MCM9: variants seen among roughly 807,000 people sequenced by gnomAD.
The protein encoded by MCM9 is DNA helicase MCM9.
In MCM9, 55 loss-of-function variants were observed where a neutral mutation model predicts 72.8. That is an observed-to-expected ratio of 0.76 (90% CI 0.61 to 0.95). The LOEUF is 0.95. Ranked by LOEUF, MCM9 falls within the 40% of genes least tolerant of loss-of-function variation. The pLI is 0.00. For missense variants in MCM9, 1,279 were observed against 1,377.0 expected, an observed-to-expected ratio of 0.93 and a Z score of 1.13; for synonymous variants, 480 against 503.4, an observed-to-expected ratio of 0.95 and a Z score of 0.62.
intron 9 of MCM9, among the ~76,000 whole-genome samples, chr6:118,830,926 G>A (rs1774500784): frequency 6.6e-6 from 1 of 152,226 alleles, no homozygotes. Context: ...TGCAAGGAGT[G>A]CTGGTGTCAG....
At chr6:118,825,066 C>T (rs1226934375) in intron 13 of MCM9, among the ~76,000 whole-genome samples, 4 of 152,176 alleles carry the variant, frequency 2.6e-5, no homozygotes, top group African/African-American at 7.2e-5. Context: ...CACTTTTTCT[C>T]CTTTCCCGAA....
chr6:118,823,074 A>G (rs1043594809), intron 13 of MCM9, among the ~76,000 whole-genome samples: 1 of 152,112 alleles, frequency 6.6e-6, no homozygotes, highest in Non-Finnish European at 1.5e-5. Flanking sequence ...CACTGAGACC[A>G]TTCAGCTCCC....
chr6:118,903,445 A>G (rs530546442), intron 8 of MCM9, among the ~76,000 whole-genome samples: 10 of 152,276 alleles, frequency 6.6e-5, no homozygotes, highest in African/African-American at 1.9e-4. Context: ...GAGCCACACG[A>G]GATTATAAAG....
rs1562434796 is a variant in MCM9, at chr6:118,911,657, A to C, written c.1143T>G (p.Thr381=). ...AATTGTCACATACAATACCTGCACT[A>C]GTAGATCCAATTCCTGTGGTCAGCA... ...RSVLTTGIGS[T]SAGLTVTAVK... Residue 381 remains threonine, a synonymous_variant, in exon 8 of 14, where the codon ACT becomes ACG. Transcript: ENST00000619706. The C allele has an allele frequency of 6.2e-7, 1 of 1,611,162 alleles. No homozygotes were observed. The highest frequency in any genetic ancestry group is 2.2e-5 in the East Asian group (1 of 44,762).
At chr6:118,824,111 G>A (rs892007074) in intron 13 of MCM9, among the ~76,000 whole-genome samples, 1 of 128,396 alleles carries the variant, frequency 7.8e-6, no homozygotes, top group African/African-American at 3.0e-5. Context: ...GAGTGCAGTG[G>A]CACGATCACG....
chr6:118,843,658 G>GTGTATATATATATATGTGTA (rs1222792710), intron 9 of MCM9, among the ~76,000 whole-genome samples: 1 of 21,592 alleles, frequency 4.6e-5, no homozygotes, highest in African/African-American at 1.6e-4. Context: ...ATATATATGT[G>GTGTATATATATATATGTGTA]TATATATATA....
At chr6:118,921,713 A>T (rs921170118) in intron 5 of MCM9, 14 of 241,494 alleles carry the variant, frequency 5.8e-5, no homozygotes, top group Non-Finnish European at 1.0e-4. Context: ...TAAATTAGAC[A>T]TCAGTGGTTC....
chr6:118,898,684 C>T (rs1462631876), intron 8 of MCM9, among the ~76,000 whole-genome samples: 1 of 152,194 alleles, frequency 6.6e-6, no homozygotes, highest in Admixed American at 6.5e-5. Flanking sequence ...TCCCACAATG[C>T]TGGGATTACA....
At chr6:118,885,068 C>G (rs901173024) in intron 8 of MCM9, among the ~76,000 whole-genome samples, 3 of 151,864 alleles carry the variant, frequency 2.0e-5, no homozygotes, top group Non-Finnish European at 4.4e-5. Context: ...TGGTGGTGGG[C>G]GCCTGTAGTC....
chr6:118,894,636 TG>T, intron 8 of MCM9: 2 of 942,466 alleles, frequency 2.1e-6, no homozygotes, highest in Non-Finnish European at 3.2e-6. Context: ...GGCCGCGGGC[TG>T]CTCTGCGGAG....
At chr6:118,884,773 T>C (rs997427242) in intron 8 of MCM9, among the ~76,000 whole-genome samples, 1 of 152,234 alleles carries the variant, frequency 6.6e-6, no homozygotes, top group African/African-American at 2.4e-5. Flanking sequence ...GGAGTATTTA[T>C]ACTAATACCA....
At chr6:118,918,491 A>G (rs974604825) in intron 5 of MCM9, 3 of 152,296 alleles carry the variant, frequency 2.0e-5, no homozygotes, top group Non-Finnish European at 4.4e-5. Flanking sequence ...GGCCCTGGGT[A>G]GTTTATAGGC....
At chr6:118,911,097 T>A in intron 8 of MCM9, 3 of 985,226 alleles carry the variant, frequency 3.0e-6, no homozygotes, top group Non-Finnish European at 3.6e-6. Context: ...TATAATCAAA[T>A]CTTGACATTC....
chr6:118,889,799 T>C (rs1371046534), intron 8 of MCM9, among the ~76,000 whole-genome samples: 2 of 152,218 alleles, frequency 1.3e-5, no homozygotes, highest in Non-Finnish European at 2.9e-5. Context: ...ATGTAACCTA[T>C]GGCTATGCAA....
chr6:118,907,423 T>C, intron 8 of MCM9: 1 of 1,604,678 alleles, frequency 6.2e-7, no homozygotes, highest in Non-Finnish European at 8.5e-7. Context: ...TATTTTGGCA[T>C]CTAATCCCAG....
chr6:118,893,374 C>T lies in MCM9; in HGVS notation c.1150+18276G>A, dbSNP rs148150280. On this transcript the variant is annotated intron_variant, in intron 8 of 13. Transcript: ENST00000619706. Reference sequence around the variant, plus strand: ...GTTGGTCTCCTAACACTTCCATTTTCTCCTTTTATGTTCCTGCTATGCTCT... The same window carrying T: ...GTTGGTCTCCTAACACTTCCATTTTTTCCTTTTATGTTCCTGCTATGCTCT... 8.1e-3 allele frequency among the ~76,000 whole-genome samples: 1,238 copies of T among 152,290 alleles called. 5 individuals carry two copies. Among genetic ancestry groups the T allele is most frequent in the Admixed American group, 0.012 (178 of 15,300 alleles).
At chr6:118,904,819 T>C (rs1780060091) in intron 8 of MCM9, among the ~76,000 whole-genome samples, 1 of 152,184 alleles carries the variant, frequency 6.6e-6, no homozygotes, top group Non-Finnish European at 1.5e-5. Context: ...GCTATGTAGC[T>C]ATTTCCATCT....
chr6:118,835,152 T>C (rs1320190516), intron 9 of MCM9, among the ~76,000 whole-genome samples: 1 of 152,176 alleles, frequency 6.6e-6, no homozygotes, highest in Non-Finnish European at 1.5e-5. Flanking sequence ...AAAGATCAGA[T>C]GGTTGTAGAT....
intron 9 of MCM9, among the ~76,000 whole-genome samples, chr6:118,840,763 G>A (rs1775311253): frequency 7.2e-6 from 1 of 139,684 alleles, no homozygotes; most frequent in Non-Finnish European, 1.5e-5. Context: ...TTTGAGACAG[G>A]GTCTTGCTCT....
Sources: allele counts gnomAD v4.1 joint callset (sites outside exome capture counted in the v4.1 genomes callset), GRCh38; gene constraint gnomAD v4.1.1; transcripts MANE v1.5; gene names NCBI Gene and HGNC (gene_info 2026-07-23, HGNC 2026-07-21).